The following ITGA9 variants were observed in gnomAD, a reference collection of about 807,000 sequenced individuals.
The protein encoded by ITGA9 is integrin subunit alpha 9, also known as integrin alpha-9.
Under a neutral mutation model 127.8 loss-of-function variants are expected in ITGA9, and 56 were observed. That is an observed-to-expected ratio of 0.44 (90% CI 0.35 to 0.55). The LOEUF (loss-of-function observed/expected upper bound fraction) is 0.55, where lower values mean the gene tolerates loss of function less well. Ranked by LOEUF, ITGA9 falls within the 20% of genes least tolerant of loss-of-function variation. ITGA9 has a pLI of 0.00. For missense variants in ITGA9, 1,196 were observed against 1,347.1 expected (o/e 0.89, Z 1.76); for synonymous variants, 508 against 514.5 (o/e 0.99, Z 0.17).
At chr3:37,476,115 C>A (rs1698490910) in intron 3 of ITGA9, among the ~76,000 whole-genome samples, 1 of 152,220 alleles carries the variant, frequency 6.6e-6, no homozygotes, top group African/African-American at 2.4e-5. Context: ...TAGGTTGGTT[C>A]TATCTCCTGG....
intron 27 of ITGA9, among the ~76,000 whole-genome samples, chr3:37,811,476 A>G (rs1697367884): frequency 6.6e-6 from 1 of 152,124 alleles, no homozygotes; most frequent in African/African-American, 2.4e-5. Context: ...AATGAAGATG[A>G]TGGGGTGTTT....
In ITGA9 at chr3:37,474,953, T is replaced by C. The variant is rs147538011; in HGVS notation, c.420+1493T>C. Among the ~76,000 whole-genome samples the C allele has an allele frequency of 1.7e-3, 262 of 152,354 alleles. 1 individual carries two copies. The highest frequency in any genetic ancestry group is 6.8e-3 in the Middle Eastern group (2 of 294). ...TCAGCACAATTAAGCATCTCCCCCT[T>C]GTCGGGCCCCTTGGGAGAGGAGGAA... On this transcript the variant is annotated intron_variant, in intron 3 of 27. Coordinates refer to ENST00000264741, the MANE Select transcript of ITGA9 (RefSeq NM_002207.3).
intron 11 of ITGA9, among the ~76,000 whole-genome samples, chr3:37,519,603 C>A (rs976388879): frequency 3.9e-5 from 6 of 152,212 alleles, no homozygotes; most frequent in Non-Finnish European, 8.8e-5. Context: ...TCAACTCTTA[C>A]TCAGAGTTGG....
intron 15 of ITGA9, among the ~76,000 whole-genome samples, chr3:37,596,030 A>G (rs775065007): frequency 6.6e-6 from 1 of 152,230 alleles, no homozygotes; most frequent in Admixed American, 6.5e-5. Context: ...GAATACAGTG[A>G]TGAGGAAAAG....
At chr3:37,618,644 G>T (rs6788921) in intron 15 of ITGA9, among the ~76,000 whole-genome samples, 1 of 152,148 alleles carries the variant, frequency 6.6e-6, no homozygotes, top group African/African-American at 2.4e-5. Flanking sequence ...TGTTAACCTA[G>T]TCAAGCCTTG....
chr3:37,698,260 CA>C (rs1013688426), intron 18 of ITGA9, among the ~76,000 whole-genome samples: 28 of 152,222 alleles, frequency 1.8e-4, no homozygotes, highest in African/African-American at 6.5e-4. Context: ...GGGTAGATTG[CA>C]AAAATTTTCT....
At chr3:37,512,696 A>C (rs1036106135) in intron 8 of ITGA9, among the ~76,000 whole-genome samples, 1 of 152,114 alleles carries the variant, frequency 6.6e-6, no homozygotes, top group Non-Finnish European at 1.5e-5. Context: ...TTCTTTTGGA[A>C]AATGGAAAGG....
At chr3:37,724,028 A>G (rs1263359397) in intron 18 of ITGA9, among the ~76,000 whole-genome samples, 1 of 152,186 alleles carries the variant, frequency 6.6e-6, no homozygotes, top group Non-Finnish European at 1.5e-5. Context: ...GGAGCAGAGG[A>G]TGGAAGTTCT....
intron 9 of ITGA9, among the ~76,000 whole-genome samples, chr3:37,514,222 T>C (rs1233456618): frequency 1.3e-5 from 2 of 152,186 alleles, no homozygotes; most frequent in Non-Finnish European, 2.9e-5. Flanking sequence ...GTGCCCATTT[T>C]TCAGGTGGAA....
chr3:37,472,463 A>G (rs535429304), intron 2 of ITGA9, among the ~76,000 whole-genome samples: 48 of 152,252 alleles, frequency 3.2e-4, no homozygotes, highest in Admixed American at 2.2e-3. Context: ...CAATGGTACA[A>G]TCTCTGCTCA....
intron 15 of ITGA9, chr3:37,585,747 C>T (rs1247688910): frequency 4.3e-6 from 2 of 470,092 alleles, no homozygotes; most frequent in African/African-American, 2.0e-5. Flanking sequence ...ACTAATATGC[C>T]TGACTCCATA....
At chr3:37,481,733 T>C in intron 4 of ITGA9, 126 bp downstream of exon 4, 3 of 1,304,518 alleles carry the variant, frequency 2.3e-6, no homozygotes, top group Non-Finnish European at 2.2e-6. Context: ...AGGGCAGCAC[T>C]GTTTGCTCCC....
At chr3:37,704,174 G>A (rs1006859286) in intron 18 of ITGA9, among the ~76,000 whole-genome samples, 3 of 152,148 alleles carry the variant, frequency 2.0e-5, no homozygotes, top group Non-Finnish European at 4.4e-5. Flanking sequence ...CCAGTTTTTT[G>A]TGGAGGGGGG....
At position 37,462,211 on chromosome 3, in the gene ITGA9, A is replaced by G. The variant is rs1375933178; in HGVS notation, c.186-8796A>G. Among the ~76,000 whole-genome samples the G allele has an allele frequency of 2.6e-5, 4 of 152,180 alleles. No individual in the cohort carries two copies. The East Asian group carries it at 7.7e-4, about 29-fold the overall frequency. On this transcript the variant is annotated intron_variant, in intron 1 of 27. Transcript: ENST00000264741. ...GACCTGAGCCCCAGGCCAGGGCAGCAGCCTCTGACCTTTCACTCCCTAACA... is the reference window on the plus strand; with the variant it reads ...GACCTGAGCCCCAGGCCAGGGCAGCGGCCTCTGACCTTTCACTCCCTAACA...
intron 17 of ITGA9, among the ~76,000 whole-genome samples, chr3:37,658,512 A>G (rs146052950): frequency 2.0e-5 from 3 of 151,354 alleles, no homozygotes; most frequent in South Asian, 4.2e-4. Context: ...TGCAACCCCT[A>G]CTCTCTTTTG....
chr3:37,546,101 A>G (rs1699323837), intron 15 of ITGA9, among the ~76,000 whole-genome samples: 1 of 152,240 alleles, frequency 6.6e-6, no homozygotes. Context: ...ATAATTTAAA[A>G]CAGAAACTTT....
chr3:37,470,971 T>G, intron 1 of ITGA9, 36 bp from the exon 2 acceptor site: 1 of 1,613,322 alleles, frequency 6.2e-7, no homozygotes, highest in South Asian at 1.1e-5. Flanking sequence ...TTTCTTATCG[T>G]AGGTTGTGAC....
At chr3:37,614,794 G>GTGAT (rs1700058186) in intron 15 of ITGA9, among the ~76,000 whole-genome samples, 1 of 152,136 alleles carries the variant, frequency 6.6e-6, no homozygotes, top group South Asian at 2.1e-4. Flanking sequence ...AAGAATGCTT[G>GTGAT]TGATTTTTGC....
chr3:37,588,688 C>T (rs947218939), intron 15 of ITGA9, among the ~76,000 whole-genome samples: 1 of 152,130 alleles, frequency 6.6e-6, no homozygotes, highest in Non-Finnish European at 1.5e-5. Flanking sequence ...AGTAAGGGCC[C>T]CTCTTGCCTG....
Sources: gnomAD v4.1 joint callset for allele counts (sites outside exome capture counted in the v4.1 genomes callset) on GRCh38, gnomAD v4.1.1 for gene constraint, MANE v1.5 for transcripts, NCBI Gene and HGNC (gene_info 2026-07-23, HGNC 2026-07-21) for gene names.